Variants in ANO3 observed in about 807,000 individuals in gnomAD.
ANO3 encodes the protein anoctamin 3.
A neutral mutation model predicts 144.8 loss-of-function variants in ANO3; 99 were observed. The observed-to-expected ratio is 0.68, with a 90% CI of 0.58 to 0.81. The LOEUF is 0.81. Among genes scored for constraint, ANO3 ranks in the 30% least tolerant of loss-of-function variants. ANO3 has a pLI of 0.00. For synonymous variants in ANO3, 414 were observed against 392.6 expected, an observed-to-expected ratio of 1.05 and a Z score of -0.64; for missense variants, 905 against 1,202.2, an observed-to-expected ratio of 0.75 and a Z score of 3.66.
chr11:26,517,486 T>G (rs2134154034), intron 6 of ANO3, among the ~76,000 whole-genome samples: 1 of 152,108 alleles, frequency 6.6e-6, no homozygotes, highest in South Asian at 2.1e-4. Context: ...CTATATTGAG[T>G]ATCTTGTGTT....
intron 1 of ANO3, among the ~76,000 whole-genome samples, chr11:26,302,367 C>T (rs1220275245): frequency 6.6e-5 from 10 of 152,046 alleles, no homozygotes; most frequent in South Asian, 2.1e-4. Flanking sequence ...TGGTGACGCA[C>T]GCCTGTAATG....
intron 1 of ANO3, among the ~76,000 whole-genome samples, chr11:26,218,992 G>A (rs1852089522): frequency 1.3e-5 from 2 of 152,004 alleles, no homozygotes; most frequent in Non-Finnish European, 2.9e-5. Context: ...ACTAGGTTAG[G>A]GTTTCTTAAC....
At chr11:26,607,812 G>A (rs1229267362) in intron 17 of ANO3, among the ~76,000 whole-genome samples, 1 of 152,146 alleles carries the variant, frequency 6.6e-6, no homozygotes, top group Non-Finnish European at 1.5e-5. Context: ...CTCTAGATTG[G>A]TTATTCTACA....
chr11:26,514,397 C>A (rs774705384), intron 5 of ANO3, among the ~76,000 whole-genome samples: 5 of 152,040 alleles, frequency 3.3e-5, no homozygotes, highest in Non-Finnish European at 7.4e-5. Context: ...TAGGCATGGG[C>A]ACTTTATGAG....
chr11:26,212,159 T>C (rs1851947709), intron 1 of ANO3, among the ~76,000 whole-genome samples: 1 of 151,962 alleles, frequency 6.6e-6, no homozygotes, highest in Non-Finnish European at 1.5e-5. Flanking sequence ...TATACCTATG[T>C]AACAAAACTG....
intron 1 of ANO3, among the ~76,000 whole-genome samples, chr11:26,226,015 A>G (rs536902550): frequency 3.3e-4 from 51 of 152,248 alleles, no homozygotes; most frequent in Admixed American, 9.2e-4. Flanking sequence ...AAGTACCCCA[A>G]GGAGCAGTTT....
intron 3 of ANO3, chr11:26,460,268 T>C: frequency 3.4e-6 from 1 of 296,232 alleles, no homozygotes; most frequent in Non-Finnish European, 6.5e-6. Context: ...AAAAATTTTC[T>C]TTGCTTTCCA....
At chr11:26,433,707 T>G (rs1362723639) in intron 1 of ANO3, among the ~76,000 whole-genome samples, 1 of 152,206 alleles carries the variant, frequency 6.6e-6, no homozygotes, top group Non-Finnish European at 1.5e-5. Flanking sequence ...TCTTATTTAT[T>G]GATTTGCATG....
intron 1 of ANO3, among the ~76,000 whole-genome samples, chr11:26,261,172 T>C (rs1350929478): frequency 6.6e-6 from 1 of 152,184 alleles, no homozygotes; most frequent in Non-Finnish European, 1.5e-5. Context: ...GAACTGTCAG[T>C]TTATTTCTTA....
chr11:26,371,553 A>G (rs2085879), intron 1 of ANO3, among the ~76,000 whole-genome samples: 40,627 of 152,064 alleles, frequency 0.27, 6,097 homozygotes, highest in African/African-American at 0.41. Flanking sequence ...TGCACCATGC[A>G]CCTGGAAGAG....
intron 10 of ANO3, among the ~76,000 whole-genome samples, chr11:26,541,442 A>G (rs1173342454): frequency 6.6e-6 from 1 of 152,176 alleles, no homozygotes; most frequent in African/African-American, 2.4e-5. Flanking sequence ...CATAAATTAT[A>G]ATAAAAAAAG....
chr11:26,500,620 A>G (rs920132950), intron 4 of ANO3, among the ~76,000 whole-genome samples: 5 of 152,116 alleles, frequency 3.3e-5, no homozygotes, highest in Admixed American at 3.3e-4. Flanking sequence ...ATCTATTCAA[A>G]TCATTCATCC....
At chr11:26,438,610 A>AAAAAAAAAAAAAAAAG (rs1565024969) in intron 1 of ANO3, among the ~76,000 whole-genome samples, 137 of 73,826 alleles carry the variant, frequency 1.9e-3, no homozygotes, top group East Asian at 3.5e-3. Context: ...AAAAAAAAAG[A>AAAAAAAAAAAAAAAAG]AAAAAAAAAA....
intron 1 of ANO3, chr11:26,427,557 A>T (rs1011339898): frequency 1.3e-5 from 2 of 152,198 alleles, no homozygotes; most frequent in African/African-American, 4.8e-5. Context: ...AAAATATTCT[A>T]TATGAAGAAA....
chr11:26,561,059 T>A, intron 14 of ANO3: 1 of 1,602,788 alleles, frequency 6.2e-7, no homozygotes, highest in Non-Finnish European at 8.5e-7. Context: ...CTTTTTGCTG[T>A]TAGTTCTATA....
intron 17 of ANO3, among the ~76,000 whole-genome samples, chr11:26,606,449 G>C (rs762982030): frequency 2.6e-5 from 4 of 152,114 alleles, no homozygotes; most frequent in Non-Finnish European, 5.9e-5. Flanking sequence ...AGATCTGCAT[G>C]GTCCAGAGCT....
chr11:26,360,891 G>A (rs1855909390), intron 1 of ANO3, among the ~76,000 whole-genome samples: 1 of 152,164 alleles, frequency 6.6e-6, no homozygotes, highest in African/African-American at 2.4e-5. Flanking sequence ...GAATGTTTGT[G>A]ACATACCTAC....
intron 14 of ANO3, among the ~76,000 whole-genome samples, chr11:26,589,218 T>C (rs1214513753): frequency 2.6e-5 from 4 of 152,346 alleles, no homozygotes; most frequent in Admixed American, 1.3e-4. Flanking sequence ...CACATGATGA[T>C]AACATTTGCC....
chr11:26,539,961 A>G (rs545946172), intron 10 of ANO3, among the ~76,000 whole-genome samples: 1 of 152,262 alleles, frequency 6.6e-6, no homozygotes, highest in South Asian at 2.1e-4. Context: ...TGGAGTGAGG[A>G]GAAAGACTTT....
Sources: allele counts gnomAD v4.1 joint callset (sites outside exome capture counted in the v4.1 genomes callset), GRCh38; gene constraint gnomAD v4.1.1; transcripts MANE v1.5; gene names NCBI Gene and HGNC (gene_info 2026-07-23, HGNC 2026-07-21).